MORC4: variants seen among roughly 807,000 people sequenced by gnomAD.
MORC4 encodes the protein MORC family CW-type zinc finger protein 4.
A neutral mutation model predicts 65.5 loss-of-function variants in MORC4; 22 were observed. That is an observed-to-expected ratio of 0.34 (90% CI 0.24 to 0.48). The LOEUF (loss-of-function observed/expected upper bound fraction) is 0.48. Ranked by LOEUF, MORC4 falls within the 20% of genes least tolerant of loss-of-function variation. The pLI, the probability that MORC4 is intolerant of heterozygous loss-of-function variation, is 0.99. For synonymous variants in MORC4, 267 were observed against 255.8 expected, an observed-to-expected ratio of 1.04 and a Z score of -0.42; for missense variants, 624 against 703.0, an observed-to-expected ratio of 0.89 and a Z score of 1.27.
At chrX:106,975,462 G>T (rs1199197011) in intron 9 of MORC4, among the ~76,000 whole-genome samples, 2 of 111,290 alleles carry the variant, frequency 1.8e-5, no homozygotes, top group Non-Finnish European at 3.8e-5. Context: ...AATTAATTTG[G>T]AGTTGCCATT....
At position 106,941,924 on chromosome X, in the gene MORC4, C is replaced by A. The variant is rs926306497; in HGVS notation, c.2660+14G>T. On this transcript the variant is annotated intron_variant, in intron 16 of 16. Coordinates refer to ENST00000355610, the MANE Select transcript of MORC4 (RefSeq NM_024657.5). ...TAGCACTCACAAGCTGATAACTAAA[C>A]CCTAGTAATTAACCTTTCTAGGTCA... 1 of 1,197,830 alleles carries A rather than the reference C, an allele frequency of 8.3e-7. No individual in the cohort carries two copies. The highest frequency in any genetic ancestry group is 1.1e-6 in the Non-Finnish European group (1 of 887,388).
intron 6 of MORC4, 137 bp from the exon 7 acceptor site, chrX:106,981,156 G>A: frequency 1.1e-6 from 1 of 875,038 alleles, no homozygotes; most frequent in Non-Finnish European, 1.6e-6. Context: ...ATTACACTAT[G>A]TAAACTACCA....
At chrX:106,997,127 C>A (rs1364063658) in intron 2 of MORC4, among the ~76,000 whole-genome samples, 1 of 112,024 alleles carries the variant, frequency 8.9e-6, no homozygotes, top group East Asian at 2.8e-4. Context: ...TTGTCACAAG[C>A]CTATTCTTCC....
chrX:106,941,868 G>A (rs1933692082), intron 16 of MORC4, 70 bp downstream of exon 16: 4 of 1,062,822 alleles, frequency 3.8e-6, no homozygotes, highest in Non-Finnish European at 5.1e-6. Flanking sequence ...TCTACGGCCA[G>A]TAAGTGGGGG....
At chrX:106,988,896 G>A (rs1274765996) in intron 3 of MORC4, among the ~76,000 whole-genome samples, 2 of 111,381 alleles carry the variant, frequency 1.8e-5, no homozygotes, top group African/African-American at 6.5e-5. Context: ...AATTTAAATT[G>A]GGACTCTGCC....
chrX:106,979,122 G>A (rs1234773940), intron 7 of MORC4, among the ~76,000 whole-genome samples: 2 of 110,939 alleles, frequency 1.8e-5, no homozygotes, highest in Non-Finnish European at 3.8e-5. Context: ...ATTTACTTTT[G>A]TTACTTATTC....
chrX:106,991,051 A>G (rs953963127), intron 3 of MORC4, among the ~76,000 whole-genome samples: 1 of 111,550 alleles, frequency 9.0e-6, no homozygotes, highest in Admixed American at 9.5e-5. Context: ...AGTGGTAAAC[A>G]TATTTGGTAT....
chrX:106,952,161 TA>T (rs1329317377), intron 14 of MORC4, among the ~76,000 whole-genome samples: 1 of 111,226 alleles, frequency 9.0e-6, no homozygotes, highest in Non-Finnish European at 1.9e-5. Flanking sequence ...GGCACTCAAA[TA>T]CAGTCGTGCA....
chrX:106,958,579 T>A, intron 10 of MORC4, 115 bp from the exon 11 acceptor site: 10 of 639,317 alleles, frequency 1.6e-5, no homozygotes, highest in Non-Finnish European at 2.3e-5. Flanking sequence ...TGAAATATGT[T>A]GGGAATGTTA....
chrX:106,941,695 A>T (rs1448286353), intron 16 of MORC4, 63 bp from the exon 17 acceptor site: 2 of 1,078,285 alleles, frequency 1.9e-6, no homozygotes, highest in East Asian at 6.1e-5. Flanking sequence ...AACAGAATAA[A>T]ATGAAGCCCC....
At chrX:106,978,429 G>T (rs188704189) in intron 7 of MORC4, among the ~76,000 whole-genome samples, 2 of 110,950 alleles carry the variant, frequency 1.8e-5, no homozygotes, top group Non-Finnish European at 3.8e-5. Context: ...GCCCACAAAC[G>T]TTAAGGAATT....
At chrX:106,968,799 G>C (rs1934436634) in intron 9 of MORC4, among the ~76,000 whole-genome samples, 1 of 111,003 alleles carries the variant, frequency 9.0e-6, no homozygotes, top group African/African-American at 3.3e-5. Flanking sequence ...AAATATATAT[G>C]CACCCAATAC....
chrX:106,978,255 T>A, intron 7 of MORC4, 56 bp from the exon 8 acceptor site: 2 of 1,123,077 alleles, frequency 1.8e-6, no homozygotes, highest in Non-Finnish European at 2.4e-6. Context: ...CGACAAAATT[T>A]TACACCATAT....
chrX:106,982,843 A>G (rs188063301), intron 5 of MORC4, among the ~76,000 whole-genome samples: 2 of 112,308 alleles, frequency 1.8e-5, no homozygotes, highest in Admixed American at 1.9e-4. Context: ...GCACATTAGT[A>G]TATTAAAGGA....
At position 106,942,671 on chromosome X, in the gene MORC4, G is replaced by A. The variant is rs774712863; in HGVS notation, c.2220C>T (p.Ile740=). The change falls in exon 15 of 17, where the codon ATC becomes ATT. Residue 740 remains isoleucine, a synonymous_variant. Coordinates refer to ENST00000355610, the MANE Select transcript of MORC4 (RefSeq NM_024657.5). ...CTTTCTCCCCAATGGCTGCAGCAGG[G>A]ATTGCAGCAGAGGCCACAGAATAAG... ...PVPYSVASAA[I]PAAAIGEKAR... is the part of the protein sequence containing the mutation. 1.7e-6 allele frequency: 2 copies of A among 1,209,497 alleles called. No individual in the cohort carries two copies. Among genetic ancestry groups the A allele is most frequent in the African/African-American group, 3.5e-5 (2 of 57,027 alleles).
At position 106,976,596 on chromosome X, in the gene MORC4, G is replaced by C; in HGVS notation, c.1145C>G (p.Thr382Ser). 2 of 1,199,758 alleles carry C rather than the reference G, an allele frequency of 1.7e-6. No homozygotes were observed. The highest frequency in any genetic ancestry group is 2.3e-6 in the Non-Finnish European group (2 of 885,248). ...PAYNKQDFEY[T>S]KEYRLTINAL... ...GGGAGTGACTCACCGGTACTCCTTG[G>C]TATACTCAAAGTCTTGTTTGTTGTA... Residue 382 changes from threonine (T) to serine (S), a missense_variant, in exon 9 of 17, where the codon ACC becomes AGC. Coordinates refer to ENST00000355610, the MANE Select transcript of MORC4 (RefSeq NM_024657.5).
chrX:106,976,756 A>G, intron 8 of MORC4, 72 bp from the exon 9 acceptor site: 1 of 732,308 alleles, frequency 1.4e-6, no homozygotes, highest in Non-Finnish European at 2.1e-6. Context: ...TTTGATTCCA[A>G]ACAATAATAG....
chrX:106,942,711 G>A lies in MORC4; in HGVS notation c.2180C>T (p.Ser727Phe). The change falls in exon 15 of 17, where the codon TCC becomes TTC. Residue 727 changes from serine to phenylalanine, a missense_variant. Transcript: ENST00000355610. ...ELAERRKAVE[S>F]WNPVPYSVAS... is the part of the protein sequence containing the mutation. ...CACAGAATAAGGCACTGGGTTCCAG[G>A]ATTCAACTGCTTTTCGTCTCTCAGC... The A allele has an allele frequency of 8.3e-7, 1 of 1,211,510 alleles. No individual in the cohort carries two copies. Among genetic ancestry groups the A allele is most frequent in the Non-Finnish European group, 1.1e-6 (1 of 895,453 alleles).
intron 8 of MORC4, 128 bp from the exon 9 acceptor site, chrX:106,976,812 A>G: frequency 2.3e-6 from 1 of 440,956 alleles, no homozygotes; most frequent in Non-Finnish European, 4.0e-6. Flanking sequence ...ATCAAGATCT[A>G]GAGAAACACT....
Sources: allele counts gnomAD v4.1 joint callset (sites outside exome capture counted in the v4.1 genomes callset), GRCh38; gene constraint gnomAD v4.1.1; transcripts MANE v1.5; gene names NCBI Gene and HGNC (gene_info 2026-07-23, HGNC 2026-07-21).